Variants in SKIL observed in about 807,000 individuals in gnomAD.
The protein encoded by SKIL is SKI like proto-oncogene.
Under a neutral mutation model 69.6 loss-of-function variants are expected in SKIL, and 20 were observed. The ratio of observed to expected loss-of-function variants is 0.29; its 90% CI spans 0.20 to 0.42. The LOEUF (loss-of-function observed/expected upper bound fraction) is 0.42, where lower values mean the gene tolerates loss of function less well. Among genes scored for constraint, SKIL ranks in the 10% least tolerant of loss-of-function variants. The pLI is 1.00. For synonymous variants in SKIL, 310 were observed against 279.9 expected, an observed-to-expected ratio of 1.11 and a Z score of -1.08; for missense variants, 745 against 783.1, an observed-to-expected ratio of 0.95 and a Z score of 0.58.
intron 4 of SKIL, among the ~76,000 whole-genome samples, chr3:170,387,347 C>A (rs1220692438): frequency 6.6e-6 from 1 of 152,184 alleles, no homozygotes; most frequent in Non-Finnish European, 1.5e-5. Context: ...TTCTCCCTTT[C>A]TCGAAGCCTC....
At chr3:170,378,315 G>T (rs149779921) in intron 2 of SKIL, among the ~76,000 whole-genome samples, 1 of 152,174 alleles carries the variant, frequency 6.6e-6, no homozygotes, top group Non-Finnish European at 1.5e-5. Flanking sequence ...TTACTTGTCA[G>T]ATCTCTCCCA....
At position 170,361,433 on chromosome 3, in the gene SKIL, A is replaced by C; in HGVS notation, c.1098+4A>C. 6.5e-7 allele frequency: 1 copy of C among 1,542,628 alleles called. No individual in the cohort carries two copies. On this transcript the variant is annotated splice_donor_region_variant and intron_variant, in intron 2 of 6. Transcript: ENST00000259119. Reference sequence around the variant, plus strand: ...TGGAAAGAGAAATCAATCCAAGGCAAGTTTTTTATATCAATTTTTAATAAT... The same window carrying C: ...TGGAAAGAGAAATCAATCCAAGGCACGTTTTTTATATCAATTTTTAATAAT...
Position 170,391,157 on chromosome 3 carries a change from T to G in SKIL, c.1793T>G (p.Val598Gly). ...EHAQRMEEFY[V>G]EQKDLEKKLE... ...GCTCAAAGAATGGAAGAATTTTATG[T>G]TGAACAGAAAGACTTAGAGAAAAAA... is the stretch of plus-strand genomic sequence containing the variant. Residue 598 changes from valine to glycine, a missense_variant, in exon 6 of 7, where the codon GTT (valine) becomes GGT (glycine). By Grantham distance (109) the Val-to-Gly change is moderately radical. Coordinates refer to ENST00000259119, the MANE Select transcript of SKIL (RefSeq NM_005414.5). 6.2e-7 allele frequency: 1 copy of G among 1,611,172 alleles called. No individual in the cohort carries two copies. The highest frequency in any genetic ancestry group is 8.5e-7 in the Non-Finnish European group (1 of 1,177,404).
intron 2 of SKIL, among the ~76,000 whole-genome samples, chr3:170,362,838 A>G (rs953120001): frequency 3.3e-5 from 5 of 149,926 alleles, no homozygotes; most frequent in African/African-American, 1.2e-4. Context: ...ACAACCACCT[A>G]TCAGCCAAGG....
Position 170,360,994 on chromosome 3 carries a change from T to C in SKIL, c.663T>C (p.Ile221=), listed in dbSNP as rs1243623353. ...LPFNAPSCGL[I]TLTDAQRLCN... ...TCAATGCCCCATCCTGTGGGCTGATTACATTAACTGATGCACAAAGATTAT... is the reference window on the plus strand; with the variant it reads ...TCAATGCCCCATCCTGTGGGCTGATCACATTAACTGATGCACAAAGATTAT... The change falls in exon 2 of 7, where the codon ATT becomes ATC. Residue 221 remains isoleucine (I), a synonymous_variant. Transcript: ENST00000259119. 6.2e-7 allele frequency: 1 copy of C among 1,614,108 alleles called. No individual in the cohort carries two copies.
chr3:170,358,316 C>G (rs934710496), intron 1 of SKIL, among the ~76,000 whole-genome samples: 1 of 151,768 alleles, frequency 6.6e-6, no homozygotes, highest in African/African-American at 2.4e-5. Flanking sequence ...TCCCGCGGCC[C>G]CCGCGGGGGG....
At position 170,386,123 on chromosome 3, in the gene SKIL, T is replaced by TTTTGTTTG. The variant is rs555679590; in HGVS notation, c.1429+1375_1429+1382dup. Among the ~76,000 whole-genome samples the TTTTGTTTG allele has an allele frequency of 3.3e-5, 5 of 149,356 alleles. No homozygotes were observed. The East Asian group carries it at 1.0e-3, about 30-fold the overall frequency. ...TTCTTGGGTGGGGGTTTTCTGGTTTTTTTGTTTGTTTGTTTGTTTGTTTGG... is the reference window on the plus strand; with the variant it reads ...TTCTTGGGTGGGGGTTTTCTGGTTTTTTTGTTTGTTTGTTTGTTTGTTTGTTTGTTTGG... On this transcript the variant is annotated intron_variant, in intron 4 of 6. Transcript: ENST00000259119.
chr3:170,359,196 C>T (rs1560202999), intron 1 of SKIL, among the ~76,000 whole-genome samples: 1 of 152,230 alleles, frequency 6.6e-6, no homozygotes, highest in Non-Finnish European at 1.5e-5. Flanking sequence ...TACGCAACTC[C>T]AAATTGCTTT....
In SKIL at chr3:170,395,747, A is replaced by G. The variant is rs1224956957; in HGVS notation, c.*3330A>G. ...CCTCATTTTTATTTGCCCTTTATGC[A>G]TTTAATCCACATGATAGGACATTAA... On this transcript the variant is annotated 3_prime_UTR_variant, in exon 7 of 7. Coordinates refer to ENST00000259119, the MANE Select transcript of SKIL (RefSeq NM_005414.5). 1 of 152,116 alleles carries G rather than the reference A, an allele frequency of 6.6e-6. No individual in the cohort carries two copies. Among genetic ancestry groups the G allele is most frequent in the African/African-American group, 2.4e-5 (1 of 41,454 alleles). 9.4% of individuals were successfully genotyped at this position (152,116 alleles called of 1,614,324 possible).
At chr3:170,381,535 C>T (rs978458351) in intron 3 of SKIL, among the ~76,000 whole-genome samples, 194 bp downstream of exon 3, 5 of 151,996 alleles carry the variant, frequency 3.3e-5, no homozygotes, top group African/African-American at 4.8e-5. Context: ...CGGGTTCAAG[C>T]GATTCTCCTG....
At chr3:170,388,347 A>G (rs1181586294) in intron 4 of SKIL, among the ~76,000 whole-genome samples, 1 of 57,580 alleles carries the variant, frequency 1.7e-5, no homozygotes, top group East Asian at 1.6e-3. Context: ...TTTTAATGCT[A>G]GGTTGTTTTA....
chr3:170,358,356 C>T (rs1306049173), intron 1 of SKIL, among the ~76,000 whole-genome samples: 1 of 151,710 alleles, frequency 6.6e-6, no homozygotes, highest in East Asian at 1.9e-4. Flanking sequence ...TGGGGTTATC[C>T]CAGGCTCGCC....
Position 170,360,428 on chromosome 3 carries a change from A to T in SKIL, c.97A>T (p.Ile33Leu), listed in dbSNP as rs753277377. 43 of 1,613,760 alleles carry T rather than the reference A, an allele frequency of 2.7e-5. No homozygotes were observed. Among genetic ancestry groups the T allele is most frequent in the Non-Finnish European group, 3.6e-5 (42 of 1,179,814 alleles). Residue 33 changes from isoleucine (I) to leucine (L), a missense_variant, in exon 2 of 7, where the codon ATA (isoleucine) becomes TTA (leucine). Transcript: ENST00000259119. ...DDGSPPAKKM[I>L]TDIHANGKTI... is the part of the protein sequence containing the mutation. ...TGGCAGCCCCCCAGCGAAAAAAATGATAACGGACATTCATGCAAATGGAAA... is the reference window on the plus strand; with the variant it reads ...TGGCAGCCCCCCAGCGAAAAAAATGTTAACGGACATTCATGCAAATGGAAA...
intron 4 of SKIL, among the ~76,000 whole-genome samples, chr3:170,386,318 C>T (rs757381402): frequency 2.6e-5 from 4 of 151,400 alleles, no homozygotes; most frequent in Admixed American, 6.6e-5. Context: ...TTAGTAGACA[C>T]GGGGTTTTTC....
At position 170,395,739 on chromosome 3, in the gene SKIL, C is replaced by G. The variant is rs1738154063; in HGVS notation, c.*3322C>G. ...GGAAGATTCCTCATTTTTATTTGCC[C>G]TTTATGCATTTAATCCACATGATAG... On this transcript the variant is annotated 3_prime_UTR_variant, in exon 7 of 7. Transcript: ENST00000259119. 6.6e-6 allele frequency: 1 copy of G among 151,958 alleles called. No homozygotes were observed. The highest frequency in any genetic ancestry group is 2.1e-4 in the South Asian group (1 of 4,826). The allele number at this position is 151,958 out of a possible 1,614,324, so 9.4% of individuals were successfully genotyped here.
chr3:170,370,715 G>A (rs559986780), intron 2 of SKIL, among the ~76,000 whole-genome samples: 1 of 152,132 alleles, frequency 6.6e-6, no homozygotes, highest in African/African-American at 2.4e-5. Flanking sequence ...TGGGAACAAG[G>A]AATTAAAAAG....
At chr3:170,388,884 T>TTATTTATG (rs375843473) in intron 4 of SKIL, among the ~76,000 whole-genome samples, 58,966 of 144,460 alleles carry the variant, frequency 0.41, 16,044 homozygotes, top group East Asian at 0.57. Flanking sequence ...ATTTATTTAT[T>TTATTTATG]TTTGAGACAG....
In SKIL at chr3:170,381,276, A is replaced by G. The variant is rs751364163; in HGVS notation, c.1131A>G (p.Ser377=). ...TDAPSGMELQ[S]WYPVIKQEGD... ...CACCATCAGGAATGGAATTACAGTC[A>G]TGGTATCCTGTTATAAAGCAGGAAG... The change falls in exon 3 of 7, where the codon TCA becomes TCG. Residue 377 remains serine (S), a synonymous_variant. Transcript: ENST00000259119. 5 of 1,596,640 alleles carry G rather than the reference A, an allele frequency of 3.1e-6. No individual in the cohort carries two copies. The highest frequency in any genetic ancestry group is 2.2e-5 in the East Asian group (1 of 44,798).
intron 2 of SKIL, among the ~76,000 whole-genome samples, chr3:170,374,538 G>T (rs980937965): frequency 6.6e-6 from 1 of 152,068 alleles, no homozygotes; most frequent in Non-Finnish European, 1.5e-5. Flanking sequence ...TCATAATTTG[G>T]TATCTAATTT....
Sources: allele counts gnomAD v4.1 joint callset (sites outside exome capture counted in the v4.1 genomes callset), GRCh38; gene constraint gnomAD v4.1.1; transcripts MANE v1.5; gene names NCBI Gene and HGNC (gene_info 2026-07-23, HGNC 2026-07-21).